Variants in GALNS observed in about 807,000 individuals in gnomAD.
The protein encoded by GALNS is galactosamine (N-acetyl)-6-sulfatase, also known as N-acetylgalactosamine-6-sulfatase.
Under a neutral mutation model 65.9 loss-of-function variants are expected in GALNS, and 65 were observed. That is an observed-to-expected ratio of 0.99 (90% CI 0.81 to 1.21). The LOEUF (loss-of-function observed/expected upper bound fraction) is 1.21, where lower values mean the gene tolerates loss of function less well. GALNS is among the 50% of genes most tolerant of loss of function. The pLI, the probability that GALNS is intolerant of heterozygous loss-of-function variation, is 0.00. For missense variants in GALNS, 776 were observed against 700.7 expected (o/e 1.11, Z -1.21); for synonymous variants, 346 against 288.9 (o/e 1.20, Z -2.00).
chr16:88,840,760 T>C (rs1966927003), intron 4 of GALNS: 1 of 570,294 alleles, frequency 1.8e-6, no homozygotes, highest in African/African-American at 1.9e-5. Flanking sequence ...CGGAGTCTGA[T>C]GCCGCAGGAT....
chr16:88,837,033 C>G (rs879761428), intron 5 of GALNS, among the ~76,000 whole-genome samples: 1 of 152,250 alleles, frequency 6.6e-6, no homozygotes, highest in Non-Finnish European at 1.5e-5. Flanking sequence ...AAAGAGGCAG[C>G]AAGCTGGTGC....
intron 2 of GALNS, chr16:88,842,486 G>A (rs985973317): frequency 1.1e-5 from 7 of 611,498 alleles, no homozygotes; most frequent in South Asian, 4.0e-5. Context: ...CAACAATACC[G>A]CAACTTCGAC....
At chr16:88,829,600 A>C (rs933101775) in intron 9 of GALNS, among the ~76,000 whole-genome samples, 18 of 152,210 alleles carry the variant, frequency 1.2e-4, no homozygotes, top group Admixed American at 6.5e-5. Context: ...TGCCGCCCCC[A>C]GTCCCACTGG....
intron 13 of GALNS, chr16:88,815,057 G>A: frequency 1.1e-6 from 1 of 930,272 alleles, no homozygotes. Context: ...TGTGTCCCCT[G>A]CCCAGGTCAA....
At chr16:88,853,700 G>A (rs973107698) in intron 1 of GALNS, among the ~76,000 whole-genome samples, 7 of 152,178 alleles carry the variant, frequency 4.6e-5, no homozygotes, top group Admixed American at 1.3e-4. Flanking sequence ...AGAGCAGAGT[G>A]GGCCACGCAG....
chr16:88,827,050 C>A, intron 9 of GALNS: 7 of 616,306 alleles, frequency 1.1e-5, no homozygotes, highest in East Asian at 2.8e-5. Flanking sequence ...CAGAGCCAGG[C>A]CACGCCCTCA....
intron 13 of GALNS, chr16:88,815,404 C>A: frequency 1.0e-6 from 1 of 985,486 alleles, no homozygotes; most frequent in Non-Finnish European, 1.2e-6. Context: ...GAAGCCAGTC[C>A]CTACTGCGCT....
intron 12 of GALNS, among the ~76,000 whole-genome samples, chr16:88,819,745 G>C (rs1910009914): frequency 1.3e-5 from 2 of 152,166 alleles, no homozygotes; most frequent in Admixed American, 1.3e-4. Flanking sequence ...CTAGGCTGGA[G>C]TGCAATGGCA....
rs145451569 is a variant in GALNS at position 88,846,016 on chromosome 16, C to T, written c.121-3187G>A. The stretch of plus-strand genomic sequence containing the variant: ...ACAAACAAACAAAAAAAGATCATGG[C>T]CCAGCAATTCCACTTGTAGGAGTTT... On this transcript the variant is annotated intron_variant, in intron 1 of 13. Coordinates refer to ENST00000268695, the MANE Select transcript of GALNS (RefSeq NM_000512.5). 1.4e-4 allele frequency among the ~76,000 whole-genome samples: 21 copies of T among 152,176 alleles called. 1 individual carries two copies. The East Asian group carries it at 3.7e-3, about 27-fold the overall frequency.
At chr16:88,827,437 G>A (rs191481494) in intron 9 of GALNS, among the ~76,000 whole-genome samples, 3 of 152,254 alleles carry the variant, frequency 2.0e-5, no homozygotes, top group Admixed American at 2.0e-4. Context: ...GGCCCTGTCT[G>A]CTTCTTGTTT....
At position 88,842,874 on chromosome 16, in the gene GALNS, G is replaced by A. The variant is rs373145710; in HGVS notation, c.121-45C>T. On this transcript the variant is annotated intron_variant, in intron 1 of 13. Coordinates refer to ENST00000268695, the MANE Select transcript of GALNS (RefSeq NM_000512.5). ...GAGGAGGAATGAGCGCCTTCTGCAG[G>A]TGCTTCTGGCCTGGGGAGCTGCCCA... 14 of 1,607,584 alleles carry A rather than the reference G, an allele frequency of 8.7e-6. No individual in the cohort carries two copies. The East Asian group carries it at 2.0e-4, about 23-fold the overall frequency.
intron 1 of GALNS, 142 bp from the exon 2 acceptor site, chr16:88,842,971 C>G (rs1967052622): frequency 6.5e-7 from 1 of 1,527,842 alleles, no homozygotes; most frequent in African/African-American, 1.4e-5. Context: ...CAGAGCTCGG[C>G]CAAACCCCAG....
chr16:88,840,174 C>T (rs1966899477), intron 4 of GALNS, among the ~76,000 whole-genome samples: 1 of 152,234 alleles, frequency 6.6e-6, no homozygotes, highest in African/African-American at 2.4e-5. Context: ...GCTCCCTAGA[C>T]AGCCTCTGGG....
chr16:88,850,063 C>T (rs1453054858), intron 1 of GALNS, among the ~76,000 whole-genome samples: 4 of 152,238 alleles, frequency 2.6e-5, no homozygotes, highest in Non-Finnish European at 5.9e-5. Flanking sequence ...CCCTCCACCT[C>T]CCCGAGTGCA....
At chr16:88,824,368 G>C (rs1003391253) in intron 11 of GALNS, among the ~76,000 whole-genome samples, 6 of 152,052 alleles carry the variant, frequency 3.9e-5, no homozygotes, top group African/African-American at 1.4e-4. Context: ...GGGGGTTGCT[G>C]TGGTGATGCC....
At chr16:88,852,683 G>A (rs56306938) in intron 1 of GALNS, among the ~76,000 whole-genome samples, 3 of 152,198 alleles carry the variant, frequency 2.0e-5, no homozygotes, top group South Asian at 2.1e-4. Context: ...GTGTAGAGAA[G>A]ACCTTAGATG....
intron 4 of GALNS, among the ~76,000 whole-genome samples, chr16:88,838,266 A>G (rs950594470): frequency 6.6e-6 from 1 of 152,164 alleles, no homozygotes; most frequent in African/African-American, 2.4e-5. Flanking sequence ...GTTCAGGGCA[A>G]TGGCCCCAGG....
At chr16:88,835,391 G>C in intron 7 of GALNS, 39 bp from the exon 8 acceptor site, 1 of 1,612,072 alleles carries the variant, frequency 6.2e-7, no homozygotes, top group Non-Finnish European at 8.5e-7. Flanking sequence ...ATACCTGGAG[G>C]ATGGTGACAA....
Position 88,841,021 on chromosome 16 carries a change from G to C in GALNS, c.393C>G (p.Ala131=). The change falls in exon 4 of 14, where the codon GCC becomes GCG. Residue 131 remains alanine (A), a synonymous_variant. Coordinates refer to ENST00000268695, the MANE Select transcript of GALNS (RefSeq NM_000512.5). ...TGCCGACAATCTTGCTGACGTAGCC[G>C]GCCTTCTTCAGAAGCTCCGGCAGGA... ...EQLLPELLKK[A]GYVSKIVGKW... 1 of 1,613,288 alleles carries C rather than the reference G, an allele frequency of 6.2e-7. No homozygotes were observed. Among genetic ancestry groups the C allele is most frequent in the Non-Finnish European group, 8.5e-7 (1 of 1,179,960 alleles).
Sources: allele counts gnomAD v4.1 joint callset (sites outside exome capture counted in the v4.1 genomes callset), GRCh38; gene constraint gnomAD v4.1.1; transcripts MANE v1.5; gene names NCBI Gene and HGNC (gene_info 2026-07-23, HGNC 2026-07-21).